The following SLC16A10 variants were observed in gnomAD, a reference collection of about 807,000 sequenced individuals.
The protein encoded by SLC16A10 is solute carrier family 16 member 10, also known as monocarboxylate transporter 10.
Under a neutral mutation model 40.0 loss-of-function variants are expected in SLC16A10, and 27 were observed. That is an observed-to-expected ratio of 0.67 (90% confidence interval 0.50 to 0.93). The LOEUF (loss-of-function observed/expected upper bound fraction) is 0.93. SLC16A10 is among the 40% of genes least tolerant of loss of function. SLC16A10 has a pLI of 0.00. For synonymous variants in SLC16A10, 213 were observed against 249.8 expected (o/e 0.85, Z 1.39); for missense variants, 529 against 658.2 (o/e 0.80, Z 2.15).
At chr6:111,158,056 C>T (rs1772303851) in intron 1 of SLC16A10, among the ~76,000 whole-genome samples, 1 of 151,876 alleles carries the variant, frequency 6.6e-6, no homozygotes, top group South Asian at 2.1e-4. Flanking sequence ...GCTATTCTAT[C>T]GTATTTTTAT....
At chr6:111,144,179 A>G (rs1219102152) in intron 1 of SLC16A10, among the ~76,000 whole-genome samples, 1 of 152,116 alleles carries the variant, frequency 6.6e-6, no homozygotes, top group East Asian at 1.9e-4. Flanking sequence ...ATAAAATTAT[A>G]TTTGAGGGAA....
At chr6:111,093,208 C>T (rs1461726952) in intron 1 of SLC16A10, among the ~76,000 whole-genome samples, 3 of 152,214 alleles carry the variant, frequency 2.0e-5, no homozygotes, top group African/African-American at 7.2e-5. Context: ...GAAACTTTGT[C>T]TCACACACAA....
At chr6:111,176,030 A>G (rs1158007155) in intron 2 of SLC16A10, among the ~76,000 whole-genome samples, 3 of 152,170 alleles carry the variant, frequency 2.0e-5, no homozygotes, top group Non-Finnish European at 4.4e-5. Flanking sequence ...TCCACAATGT[A>G]TCTGGTACAC....
intron 5 of SLC16A10, among the ~76,000 whole-genome samples, chr6:111,220,779 TG>T (rs966030370): frequency 1.3e-5 from 2 of 152,198 alleles, no homozygotes; most frequent in African/African-American, 4.8e-5. Context: ...CTACCAGAAG[TG>T]ACAGTTAACA....
chr6:111,229,431 T>C lies in SLC16A10; in HGVS notation c.*7196T>C, dbSNP rs1771066780. On this transcript the variant is annotated 3_prime_UTR_variant, in exon 6 of 6. Coordinates refer to ENST00000368851, the MANE Select transcript of SLC16A10 (RefSeq NM_018593.5). ...GTAATAATTTTAAAGAAAAAGTCCC[T>C]TGTCAATGTTTCTAGCACAAAGTGA... 6.6e-6 allele frequency: 1 copy of C among 152,250 alleles called. No individual in the cohort carries two copies. The allele number at this position is 152,250 out of a possible 1,614,324, so 9.4% of individuals were successfully genotyped here.
intron 1 of SLC16A10, among the ~76,000 whole-genome samples, chr6:111,168,911 T>C (rs890849827): frequency 3.3e-5 from 5 of 152,176 alleles, no homozygotes; most frequent in African/African-American, 1.2e-4. Context: ...CCCTCCACCA[T>C]GGTACAAGTG....
chr6:111,212,212 G>A (rs1773356630), intron 4 of SLC16A10, among the ~76,000 whole-genome samples: 1 of 152,162 alleles, frequency 6.6e-6, no homozygotes, highest in South Asian at 2.1e-4. Flanking sequence ...ATCAGCAGAG[G>A]GCTGTGGTGA....
chr6:111,181,446 G>C (rs1772790088), intron 3 of SLC16A10, among the ~76,000 whole-genome samples: 1 of 152,156 alleles, frequency 6.6e-6, no homozygotes, highest in Non-Finnish European at 1.5e-5. Flanking sequence ...CAATGTGATT[G>C]CCAACTTGAG....
chr6:111,109,302 A>G (rs1366925916), intron 1 of SLC16A10, among the ~76,000 whole-genome samples: 1 of 152,070 alleles, frequency 6.6e-6, no homozygotes, highest in African/African-American at 2.4e-5. Flanking sequence ...CCTTTTCTAA[A>G]ATTTTATATG....
At chr6:111,220,836 A>G (rs770708753) in intron 5 of SLC16A10, among the ~76,000 whole-genome samples, 2 of 152,248 alleles carry the variant, frequency 1.3e-5, no homozygotes, top group Non-Finnish European at 2.9e-5. Flanking sequence ...AGCAGGCAGA[A>G]CACCACCACA....
intron 3 of SLC16A10, among the ~76,000 whole-genome samples, chr6:111,199,644 C>T (rs1331299261): frequency 1.3e-5 from 2 of 151,984 alleles, no homozygotes; most frequent in Non-Finnish European, 2.9e-5. Flanking sequence ...GATTTATTTT[C>T]TATTTTAAGA....
At chr6:111,211,749 C>T (rs2114588195) in intron 4 of SLC16A10, among the ~76,000 whole-genome samples, 1 of 152,336 alleles carries the variant, frequency 6.6e-6, no homozygotes, top group Non-Finnish European at 1.5e-5. Flanking sequence ...TCTCCTTTTT[C>T]ATGGCTTCCT....
rs200579375 is a variant in SLC16A10 at position 111,127,233 on chromosome 6, AG to A, written c.343+39140del. 5.8e-3 allele frequency among the ~76,000 whole-genome samples: 886 copies of A among 152,356 alleles called. 5 individuals carry two copies. Among genetic ancestry groups the A allele is most frequent in the Admixed American group, 0.011 (167 of 15,304 alleles). ...ATTTTATGGAGTGACAAGGACTTTG[AG>A]GAAAGTAAAACGGGACAATGCTTGA... is the stretch of plus-strand genomic sequence containing the variant. On this transcript the variant is annotated intron_variant, in intron 1 of 5. Transcript: ENST00000368851.
Position 111,171,228 on chromosome 6 carries a change from C to T in SLC16A10, c.344-1467C>T, listed in dbSNP as rs562542297. On this transcript the variant is annotated intron_variant, in intron 1 of 5. Coordinates refer to ENST00000368851, the MANE Select transcript of SLC16A10 (RefSeq NM_018593.5). ...GATTGTGCTAATATATTTGGCCAATCAGCTCCTTCCTACTGTCTACTTTTG... is the reference window on the plus strand; with the variant it reads ...GATTGTGCTAATATATTTGGCCAATTAGCTCCTTCCTACTGTCTACTTTTG... Among the ~76,000 whole-genome samples, 8 of 152,348 alleles carry T rather than the reference C, an allele frequency of 5.3e-5. No homozygotes were observed. In the South Asian group the frequency reaches 1.7e-3, roughly 32 times the overall value.
rs1238333923 is a variant in SLC16A10, at chr6:111,224,019, C to T, written c.*1784C>T. The T allele has an allele frequency of 6.6e-6, 1 of 152,218 alleles. No individual in the cohort carries two copies. Among genetic ancestry groups the T allele is most frequent in the African/African-American group, 2.4e-5 (1 of 41,456 alleles). 9.4% of individuals were successfully genotyped at this position (152,218 alleles called of 1,614,324 possible). A position where few individuals can be genotyped will look rare whatever the true frequency, so the allele number is the denominator to read the frequency against. On this transcript the variant is annotated 3_prime_UTR_variant, in exon 6 of 6. Coordinates refer to ENST00000368851, the MANE Select transcript of SLC16A10 (RefSeq NM_018593.5). ...CTTTGGTAGTCCAAGGCAGGGGGAT[C>T]ACTTGAGCCCAGAAGTTCAAGACCA...
At chr6:111,215,858 G>C (rs1773413290) in intron 4 of SLC16A10, among the ~76,000 whole-genome samples, 1 of 152,076 alleles carries the variant, frequency 6.6e-6, no homozygotes, top group East Asian at 1.9e-4. Context: ...TAAAAAATTA[G>C]CCGGGCATAG....
At chr6:111,219,070 T>C (rs1346976097) in intron 5 of SLC16A10, 28 bp downstream of exon 5, 7 of 1,574,238 alleles carry the variant, frequency 4.4e-6, no homozygotes, top group Admixed American at 1.7e-5. Context: ...CCAGTAGTTA[T>C]ATTAATTCAT....
chr6:111,181,150 G>A (rs958037292), intron 3 of SLC16A10, among the ~76,000 whole-genome samples: 8 of 151,706 alleles, frequency 5.3e-5, no homozygotes, highest in African/African-American at 1.7e-4. Context: ...GGGAGGCAGA[G>A]GTTGCAGTGA....
intron 3 of SLC16A10, among the ~76,000 whole-genome samples, chr6:111,200,600 C>G (rs1773152196): frequency 6.6e-6 from 1 of 152,066 alleles, no homozygotes; most frequent in Non-Finnish European, 1.5e-5. Context: ...AAGAAAAAAA[C>G]AAAATAAACT....
Sources: gnomAD v4.1 joint callset for allele counts (sites outside exome capture counted in the v4.1 genomes callset) on GRCh38, gnomAD v4.1.1 for gene constraint, MANE v1.5 for transcripts, NCBI Gene and HGNC (gene_info 2026-07-23, HGNC 2026-07-21) for gene names.